RAI1: variants seen among roughly 807,000 people sequenced by gnomAD.
The protein encoded by RAI1 is retinoic acid-induced protein 1.
In RAI1, 9 loss-of-function variants were observed where a neutral mutation model predicts 123.8. The observed-to-expected ratio is 0.07, with a 90% CI of 0.04 to 0.13. The LOEUF (loss-of-function observed/expected upper bound fraction) is 0.13, where lower values mean the gene tolerates loss of function less well. Ranked by LOEUF, RAI1 falls within the 10% of genes least tolerant of loss-of-function variation. The pLI, the probability that RAI1 is intolerant of heterozygous loss-of-function variation, is 1.00. For synonymous variants in RAI1, 1,231 were observed against 1,127.3 expected (o/e 1.09, Z -1.84); for missense variants, 2,256 against 2,545.8 (o/e 0.89, Z 2.45).
chr17:17,794,021 C>A lies in RAI1; in HGVS notation c.1073C>A (p.Ser358Tyr). 2 of 1,614,010 alleles carry A rather than the reference C, an allele frequency of 1.2e-6. No individual in the cohort carries two copies. The highest frequency in any genetic ancestry group is 1.7e-6 in the Non-Finnish European group (2 of 1,180,030). ...RSVGRSPSYS[S>Y]TPSPLMPNLE... ...GTGGGCCGCTCACCTTCCTACAGTT[C>A]CACACCGTCGCCGCTGATGCCAAAC... Residue 358 changes from serine (S) to tyrosine (Y), a missense_variant, in exon 3 of 6, where the codon TCC becomes TAC. Physicochemically the swap from Ser to Tyr is moderately radical, Grantham distance 144. This residue lies in a region of RAI1 where 357 missense variants were observed against 480.2 expected (regional missense o/e 0.74). Transcript: ENST00000353383.
intron 1 of RAI1, among the ~76,000 whole-genome samples, chr17:17,694,334 G>A (rs1469472993): frequency 6.6e-6 from 1 of 152,162 alleles, no homozygotes. Context: ...CACGAGGTGC[G>A]GGGAGGAACA....
intron 1 of RAI1, among the ~76,000 whole-genome samples, chr17:17,721,031 A>G (rs972558659): frequency 1.3e-5 from 2 of 151,538 alleles, no homozygotes; most frequent in Non-Finnish European, 2.9e-5. Flanking sequence ...AGAATCTGGA[A>G]TCTGTGAAGG....
chr17:17,797,127 T>C lies in RAI1; in HGVS notation c.4179T>C (p.Thr1393=), dbSNP rs1430799368. The stretch of plus-strand genomic sequence containing the variant: ...TGGGCACCGGGCAGAAGCTCCCAAC[T>C]TCTGGGGCTGATCCGTTATGCAGAA... The part of the protein sequence containing the change: ...VNVGTGQKLP[T]SGADPLCRNP... Residue 1393 remains threonine (T), a synonymous_variant, in exon 3 of 6, where the codon ACT becomes ACC. Transcript: ENST00000353383. The C allele has an allele frequency of 6.2e-7, 1 of 1,613,950 alleles. No homozygotes were observed. The highest frequency in any genetic ancestry group is 1.1e-5 in the South Asian group (1 of 91,080).
intron 2 of RAI1, among the ~76,000 whole-genome samples, chr17:17,787,623 TG>T (rs1024942357): frequency 3.3e-5 from 5 of 152,200 alleles, no homozygotes; most frequent in Non-Finnish European, 7.3e-5. Flanking sequence ...GCTGGCCATC[TG>T]CCCCTCGTCC....
chr17:17,780,777 G>A (rs939262660), intron 2 of RAI1, among the ~76,000 whole-genome samples: 12 of 152,206 alleles, frequency 7.9e-5, no homozygotes, highest in African/African-American at 2.9e-4. Context: ...TATGAGGGAA[G>A]TCCATGCCCA....
intron 2 of RAI1, among the ~76,000 whole-genome samples, chr17:17,756,267 G>A (rs372746797): frequency 3.1e-4 from 46 of 150,382 alleles, no homozygotes; most frequent in African/African-American, 1.1e-3. Context: ...GTGTGATCTC[G>A]GCTCACCGCA....
intron 2 of RAI1, among the ~76,000 whole-genome samples, chr17:17,725,500 C>T (rs972740502): frequency 1.3e-5 from 2 of 152,120 alleles, no homozygotes; most frequent in African/African-American, 4.8e-5. Flanking sequence ...CAGAAAATTT[C>T]TGGGGACCGC....
Position 17,794,339 on chromosome 17 carries a change from G to A in RAI1, c.1391G>A (p.Gly464Asp). Residue 464 changes from glycine (G) to aspartate (D), a missense_variant, in exon 3 of 6, where the codon GGT becomes GAT. This residue lies in a region of RAI1 where 357 missense variants were observed against 480.2 expected (regional missense o/e 0.74). Transcript: ENST00000353383. ...AAGGCTGCTGTGCCGCAGAAGAAAG[G>A]TGTCAAGAACCTCGTGTCCAGGACC... is the stretch of plus-strand genomic sequence containing the variant. ...LSKAAVPQKK[G>D]VKNLVSRTPE... The A allele has an allele frequency of 6.2e-7, 1 of 1,613,212 alleles. No individual in the cohort carries two copies. The highest frequency in any genetic ancestry group is 8.5e-7 in the Non-Finnish European group (1 of 1,180,046).
intron 2 of RAI1, among the ~76,000 whole-genome samples, chr17:17,751,959 T>C (rs1011491485): frequency 6.6e-6 from 1 of 152,202 alleles, no homozygotes; most frequent in African/African-American, 2.4e-5. Flanking sequence ...GGCAGAGTTT[T>C]TTTTTATTTT....
At chr17:17,807,533 C>T (rs999553418) in intron 4 of RAI1, among the ~76,000 whole-genome samples, 1 of 152,246 alleles carries the variant, frequency 6.6e-6, no homozygotes, top group Non-Finnish European at 1.5e-5. Flanking sequence ...CAACCTTTCC[C>T]CACTCAGGCC....
intron 2 of RAI1, among the ~76,000 whole-genome samples, chr17:17,747,644 G>A (rs1349736211): frequency 1.3e-5 from 2 of 152,280 alleles, no homozygotes; most frequent in East Asian, 1.9e-4. Flanking sequence ...GGGGAGTGCC[G>A]ACTGATTGGG....
chr17:17,736,115 T>TG (rs928052269), intron 2 of RAI1, among the ~76,000 whole-genome samples: 3 of 152,132 alleles, frequency 2.0e-5, no homozygotes, highest in Non-Finnish European at 4.4e-5. Context: ...CCCTGGAGGA[T>TG]GGGGGGACAT....
chr17:17,706,022 CAAAAA>C (rs1197967787), intron 1 of RAI1, among the ~76,000 whole-genome samples: 3 of 37,388 alleles, frequency 8.0e-5, no homozygotes, highest in Non-Finnish European at 1.8e-4. Context: ...GACTCTGTCT[CAAAAA>C]AAAAAAAAAA....
At chr17:17,682,143 G>C (rs1914444773) in intron 1 of RAI1, among the ~76,000 whole-genome samples, 1 of 151,206 alleles carries the variant, frequency 6.6e-6, no homozygotes, top group Non-Finnish European at 1.5e-5. Context: ...AGTCTTTGCG[G>C]AGCGTGGGGT....
At chr17:17,698,356 G>A (rs1270352294) in intron 1 of RAI1, among the ~76,000 whole-genome samples, 1 of 152,176 alleles carries the variant, frequency 6.6e-6, no homozygotes, top group Non-Finnish European at 1.5e-5. Flanking sequence ...AGGAATGATG[G>A]GAAAATCCCT....
rs1167089282 is a variant in RAI1, at chr17:17,803,085, CAAAAAAAAAAAA to C, written c.5566-659_5566-648del. ...GGGGGGACAGAGTGAAATTCTGTCT[CAAAAAAAAAAAA>C]AAAAAAAAAAAGCAAGCCAGTGGGC... On this transcript the variant is annotated intron_variant, in intron 3 of 5. Coordinates refer to ENST00000353383, the MANE Select transcript of RAI1 (RefSeq NM_030665.4). Among the ~76,000 whole-genome samples the C allele has an allele frequency of 6.4e-4, 36 of 55,964 alleles. 1 individual carries two copies. Among genetic ancestry groups the C allele is most frequent in the Admixed American group, 1.5e-3 (8 of 5,378 alleles). 36.7% of individuals were successfully genotyped at this position (55,964 alleles called of 152,430 possible).
chr17:17,795,416 G>A lies in RAI1; in HGVS notation c.2468G>A (p.Gly823Asp), dbSNP rs754280704. 2 of 1,590,158 alleles carry A rather than the reference G, an allele frequency of 1.3e-6. No individual in the cohort carries two copies. The highest frequency in any genetic ancestry group is 1.7e-6 in the Non-Finnish European group (2 of 1,166,176). ...GTGGGTGGGGTGAAGGAGGAGGCAG[G>A]TGGGCTGCTGCAGTGCCCCGAGGTG... ...EEVGGVKEEA[G>D]GLLQCPEVAK... The change falls in exon 3 of 6, where the codon GGT becomes GAT. Residue 823 changes from glycine to aspartate, a missense_variant. Coordinates refer to ENST00000353383, the MANE Select transcript of RAI1 (RefSeq NM_030665.4). This position sits in a 1 kb window ranked among gnomAD's most constrained non-coding sequence, Gnocchi z 5.9.
intron 1 of RAI1, among the ~76,000 whole-genome samples, chr17:17,686,608 T>TGTGTGTGTGTGCGCGCGC (rs1491248703): frequency 2.9e-5 from 4 of 137,764 alleles, no homozygotes; most frequent in Admixed American, 7.4e-5. Context: ...TGTGTGTGTG[T>TGTGTGTGTGTGCGCGCGC]GCACGCGCGC....
Position 17,809,235 on chromosome 17 carries a change from AG to A in RAI1, c.5660-152del. On this transcript the variant is annotated intron_variant, in intron 4 of 5. Transcript: ENST00000353383. The surrounding 1 kb of genome is among the most constrained non-coding windows in gnomAD (Gnocchi z 4.9). ...CGCCGTGGAGTGGAGTGGAGTGTGG[AG>A]GGTTTTGTGCAGAATCTGATTAACT... The A allele has an allele frequency of 1.3e-6, 1 of 763,962 alleles. No homozygotes were observed. The highest frequency in any genetic ancestry group is 1.8e-5 in the Admixed American group (1 of 56,420). 47.3% of individuals were successfully genotyped at this position (763,962 alleles called of 1,614,324 possible).
Sources: allele counts gnomAD v4.1 joint callset (sites outside exome capture counted in the v4.1 genomes callset), GRCh38; gene constraint gnomAD v4.1.1; regional missense constraint gnomAD v4.1.1; non-coding constraint Gnocchi (gnomAD v3.1); transcripts MANE v1.5; gene names NCBI Gene and HGNC (gene_info 2026-07-23, HGNC 2026-07-21).